The following SLC35A3 variants were observed in gnomAD, a reference collection of about 807,000 sequenced individuals.
SLC35A3 encodes UDP-N-acetylglucosamine transporter.
SLC35A3 carries 26 observed loss-of-function variants against 39.0 expected under a neutral mutation model. The ratio of observed to expected loss-of-function variants is 0.67; its 90% confidence interval spans 0.49 to 0.92. The LOEUF is 0.92. Ranked by LOEUF, SLC35A3 falls within the 40% of genes least tolerant of loss-of-function variation. The pLI is 0.00. For missense variants in SLC35A3, 299 were observed against 371.6 expected, an observed-to-expected ratio of 0.80 and a Z score of 1.61; for synonymous variants, 135 against 133.1, an observed-to-expected ratio of 1.01 and a Z score of -0.10.
chr1:99,992,056 A>T lies in SLC35A3; in HGVS notation c.-18-1481A>T, dbSNP rs569966987. ...GCCACTGCACCCAGCCAGGTAGATC[A>T]TTTTTTTGTCTACCATGGTAATGGT... is the stretch of plus-strand genomic sequence containing the variant. On this transcript the variant is annotated intron_variant, in intron 1 of 7. Coordinates refer to ENST00000533028, the MANE Select transcript of SLC35A3 (RefSeq NM_012243.3). Among the ~76,000 whole-genome samples the T allele has an allele frequency of 3.9e-4, 59 of 152,242 alleles. No homozygotes were observed. The East Asian group carries it at 0.011, about 29-fold the overall frequency.
intron 1 of SLC35A3, among the ~76,000 whole-genome samples, chr1:99,975,808 C>T (rs570006664): frequency 3.3e-5 from 5 of 152,202 alleles, no homozygotes; most frequent in African/African-American, 7.2e-5. Context: ...GCCTGTAATC[C>T]CAGCATTTTG....
In SLC35A3 at chr1:100,024,680, G is replaced by A. The variant is rs1660797019; in HGVS notation, c.*2204G>A. ...TGTCGCCAGGCTGGAGTGCTGTGGC[G>A]CGATCTCGGCTTACTGCAACCTCCC... On this transcript the variant is annotated 3_prime_UTR_variant, in exon 8 of 8. Coordinates refer to ENST00000533028, the MANE Select transcript of SLC35A3 (RefSeq NM_012243.3). 5.2e-6 allele frequency: 2 copies of A among 385,962 alleles called. No individual in the cohort carries two copies. Among genetic ancestry groups the A allele is most frequent in the African/African-American group, 2.1e-5 (1 of 46,942 alleles). The allele number at this position is 385,962 out of a possible 1,614,324, so 23.9% of individuals were successfully genotyped here. A position where few individuals can be genotyped will look rare whatever the true frequency, so the allele number is the denominator to read the frequency against.
intron 2 of SLC35A3, among the ~76,000 whole-genome samples, chr1:99,995,758 G>A (rs922819264): frequency 1.3e-5 from 2 of 152,162 alleles, no homozygotes; most frequent in African/African-American, 2.4e-5. Context: ...TTAAAGTTGA[G>A]GATTGAATGA....
Position 100,019,381 on chromosome 1 carries a change from TTGAATGAA to T in SLC35A3, c.887+1596_887+1603del, listed in dbSNP as rs71719100. Among the ~76,000 whole-genome samples the T allele has an allele frequency of 1.6e-3, 240 of 149,274 alleles. 2 individuals are homozygous for T. Among genetic ancestry groups the T allele is most frequent in the African/African-American group, 3.4e-3 (141 of 41,060 alleles). On this transcript the variant is annotated intron_variant, in intron 7 of 7. Coordinates refer to ENST00000533028, the MANE Select transcript of SLC35A3 (RefSeq NM_012243.3). ...AGAAAAGACAATGATACTGCCATTA[TTGAATGAA>T]TGAATGAATGAATGAATGAATGAAT...
intron 3 of SLC35A3, among the ~76,000 whole-genome samples, chr1:100,002,416 C>T (rs12128170): frequency 0.046 from 7,070 of 152,132 alleles, 193 homozygotes; most frequent in African/African-American, 0.068. Context: ...CTCTAATGAT[C>T]CTGTGTAATT....
In SLC35A3 at chr1:100,026,582, A is replaced by G. The variant is rs561631972; in HGVS notation, c.*4106A>G. On this transcript the variant is annotated 3_prime_UTR_variant, in exon 8 of 8. Coordinates refer to ENST00000533028, the MANE Select transcript of SLC35A3 (RefSeq NM_012243.3). The stretch of plus-strand genomic sequence containing the variant: ...ATTCATTAACAAAATTAAAATAGGT[A>G]TATTACAAAAGCATAAACATTTGTG... The G allele has an allele frequency of 6.6e-6, 1 of 152,346 alleles. No individual in the cohort carries two copies. The highest frequency in any genetic ancestry group is 1.9e-4 in the East Asian group (1 of 5,190). 9.4% of individuals were successfully genotyped at this position (152,346 alleles called of 1,614,324 possible).
At chr1:100,001,422 C>T (rs1218763186) in intron 3 of SLC35A3, among the ~76,000 whole-genome samples, 2 of 151,870 alleles carry the variant, frequency 1.3e-5, no homozygotes, top group East Asian at 3.9e-4. Context: ...TCTTTTACTT[C>T]CTTGGTTAAA....
intron 7 of SLC35A3, among the ~76,000 whole-genome samples, chr1:100,019,890 C>G (rs1018915896): frequency 9.9e-5 from 15 of 152,048 alleles, no homozygotes; most frequent in African/African-American, 3.6e-4. Context: ...TTTTCTTGTG[C>G]TTGTTATTTT....
chr1:99,987,224 G>A (rs1015431528), intron 1 of SLC35A3, among the ~76,000 whole-genome samples: 3 of 152,200 alleles, frequency 2.0e-5, no homozygotes, highest in African/African-American at 7.2e-5. Context: ...TCATTTTAAA[G>A]TGAAGAAATT....
chr1:99,979,476 C>T (rs1294525918), intron 1 of SLC35A3, among the ~76,000 whole-genome samples: 1 of 148,106 alleles, frequency 6.8e-6, no homozygotes, highest in African/African-American at 2.5e-5. Context: ...CTCTGTTGCT[C>T]AGGCTGGAGT....
intron 2 of SLC35A3, among the ~76,000 whole-genome samples, chr1:99,997,106 C>T (rs918430507): frequency 6.6e-6 from 1 of 151,734 alleles, no homozygotes; most frequent in African/African-American, 2.4e-5. Context: ...ATAAGATTGG[C>T]CAGCTCAAAG....
intron 4 of SLC35A3, chr1:100,008,592 T>C (rs1659403314): frequency 6.6e-6 from 1 of 152,234 alleles, no homozygotes; most frequent in African/African-American, 2.4e-5. Context: ...CTGAGCTGCT[T>C]GTAGGGGCTA....
In SLC35A3 at chr1:100,007,208, CTTAT is replaced by C. The variant is rs761498254; in HGVS notation, c.465+59_465+62del. The C allele has an allele frequency of 1.4e-4, 210 of 1,458,900 alleles. 5 individuals carry two copies. The South Asian group carries it at 2.6e-3, about 18-fold the overall frequency. The allele number at this position is 1,458,900 out of a possible 1,614,324, so 90.4% of individuals were successfully genotyped here. A position where few individuals can be genotyped will look rare whatever the true frequency, so the allele number is the denominator to read the frequency against. On this transcript the variant is annotated intron_variant, in intron 4 of 7. Transcript: ENST00000533028. ...TTTATCTTTATTGTGGTTTCAAAAC[CTTAT>C]TTATTTTGTGTGGAGAAATATGGTT...
In SLC35A3 at chr1:100,012,215, C is replaced by T. The variant is rs571199984; in HGVS notation, c.634+682C>T. ...AGGACAATTGCTTGAACCTAGGAGG[C>T]GGAGGTTGCAGTGAGCCAAGAATAA... On this transcript the variant is annotated intron_variant, in intron 5 of 7. Coordinates refer to ENST00000533028, the MANE Select transcript of SLC35A3 (RefSeq NM_012243.3). Among the ~76,000 whole-genome samples, 16 of 151,832 alleles carry T rather than the reference C, an allele frequency of 1.1e-4. No individual in the cohort carries two copies. In the South Asian group the frequency reaches 1.5e-3, roughly 14 times the overall value.
chr1:99,987,285 A>G (rs1441344980), intron 1 of SLC35A3, among the ~76,000 whole-genome samples: 2 of 152,244 alleles, frequency 1.3e-5, no homozygotes, highest in Non-Finnish European at 2.9e-5. Context: ...CTATAATTTT[A>G]TTTCACATTG....
chr1:99,972,718 A>G (rs1656890964), intron 1 of SLC35A3, among the ~76,000 whole-genome samples: 1 of 152,214 alleles, frequency 6.6e-6, no homozygotes, highest in Non-Finnish European at 1.5e-5. Context: ...TACATTAATC[A>G]TGTAATGAAA....
intron 3 of SLC35A3, among the ~76,000 whole-genome samples, chr1:100,004,957 A>T (rs1189313218): frequency 6.6e-6 from 1 of 151,686 alleles, no homozygotes; most frequent in Non-Finnish European, 1.5e-5. Context: ...GGGTTTCATC[A>T]TGTTGGCCAG....
chr1:99,992,796 A>G (rs530235294), intron 1 of SLC35A3, among the ~76,000 whole-genome samples: 25 of 152,256 alleles, frequency 1.6e-4, no homozygotes, highest in Non-Finnish European at 2.1e-4. Flanking sequence ...CTTTTTGCAT[A>G]TTATGAGACT....
chr1:100,004,870 G>A (rs951515854), intron 3 of SLC35A3, among the ~76,000 whole-genome samples: 8 of 151,930 alleles, frequency 5.3e-5, no homozygotes, highest in African/African-American at 1.7e-4. Context: ...CTTCCAGGTA[G>A]CTAGACCACA....
Sources: allele counts gnomAD v4.1 joint callset (sites outside exome capture counted in the v4.1 genomes callset), GRCh38; gene constraint gnomAD v4.1.1; transcripts MANE v1.5; gene names NCBI Gene and HGNC (gene_info 2026-07-23, HGNC 2026-07-21).